Variants in EPS8L3 observed in about 807,000 individuals in gnomAD.
EPS8L3 encodes epidermal growth factor receptor kinase substrate 8-like protein 3.
A neutral mutation model predicts 88.5 loss-of-function variants in EPS8L3; 80 were observed. The observed-to-expected ratio is 0.90, with a 90% CI of 0.75 to 1.09. The LOEUF (loss-of-function observed/expected upper bound fraction) is 1.09, where lower values mean the gene tolerates loss of function less well. Ranked by LOEUF, EPS8L3 falls within the 50% of genes least tolerant of loss-of-function variation. EPS8L3 has a pLI of 0.00. For missense variants in EPS8L3, 721 were observed against 735.2 expected, an observed-to-expected ratio of 0.98 and a Z score of 0.22; for synonymous variants, 286 against 291.0, an observed-to-expected ratio of 0.98 and a Z score of 0.18.
rs769590116 is a variant in EPS8L3, at chr1:109,750,414, C to T, written c.1771-12G>A. On this transcript the variant is annotated splice_polypyrimidine_tract_variant and intron_variant, in intron 18 of 18. Coordinates refer to ENST00000361965, the MANE Select transcript of EPS8L3 (RefSeq NM_133181.4). ...GCCTAAGGGCTTATCTGAGGAAAGA[C>T]AAAGATTCAGATGAGGCTGATGGCA... 6.2e-7 allele frequency: 1 copy of T among 1,613,580 alleles called. No homozygotes were observed. The highest frequency in any genetic ancestry group is 8.5e-7 in the Non-Finnish European group (1 of 1,179,764).
chr1:109,760,748 C>A (rs543287905), intron 3 of EPS8L3, among the ~76,000 whole-genome samples: 1 of 152,188 alleles, frequency 6.6e-6, no homozygotes, highest in African/African-American at 2.4e-5. Flanking sequence ...CAGACCATCG[C>A]CCCAGCTCCC....
chr1:109,761,863 C>G lies in EPS8L3; in HGVS notation c.-24-90G>C, dbSNP rs1415479964. ...GGCAGGACAGTTGCTATTGCTCTGA[C>G]TGGGGGCCTCTGGGACCAGACCCAA... On this transcript the variant is annotated intron_variant, in intron 1 of 18. Coordinates refer to ENST00000361965, the MANE Select transcript of EPS8L3 (RefSeq NM_133181.4). 21 of 1,135,728 alleles carry G rather than the reference C, an allele frequency of 1.8e-5. No individual in the cohort carries two copies. The Admixed American group carries it at 3.9e-4, about 21-fold the overall frequency. The allele number at this position is 1,135,728 out of a possible 1,614,324, so 70.4% of individuals were successfully genotyped here.
intron 6 of EPS8L3, 96 bp from the exon 7 acceptor site, chr1:109,758,759 C>T (rs1650573297): frequency 6.9e-7 from 1 of 1,449,602 alleles, no homozygotes; most frequent in Admixed American, 2.4e-5. Context: ...GCACCACCAC[C>T]TCTCTCCAGG....
At chr1:109,752,650 C>T in intron 14 of EPS8L3, 36 bp downstream of exon 14, 2 of 1,544,762 alleles carry the variant, frequency 1.3e-6, no homozygotes, top group Non-Finnish European at 1.8e-6. Flanking sequence ...CCTCCCTCCC[C>T]AGGACCACGC....
Position 109,759,167 on chromosome 1 carries a change from G to GTGTGTGTGTGTGTGTGTGTGTT in EPS8L3, c.406-51_406-50insAACACACACACACACACACACA. ...TAAGTGTGTGTGTGTGTGTGTGTGT[G>GTGTGTGTGTGTGTGTGTGTGTT]TGTGTGTGTGTGTGTGGTGGGGTGA... On this transcript the variant is annotated intron_variant, in intron 5 of 18. Transcript: ENST00000361965. This position sits in a 1 kb window ranked among gnomAD's most constrained non-coding sequence, Gnocchi z 4.2. The GTGTGTGTGTGTGTGTGTGTGTT allele has an allele frequency of 6.2e-7, 1 of 1,606,876 alleles. No homozygotes were observed. The highest frequency in any genetic ancestry group is 1.7e-4 in the Middle Eastern group (1 of 5,930).
intron 1 of EPS8L3, among the ~76,000 whole-genome samples, chr1:109,762,484 A>C (rs1243724779): frequency 6.6e-6 from 1 of 152,040 alleles, no homozygotes; most frequent in Non-Finnish European, 1.5e-5. Context: ...CACCCTGCCC[A>C]GGGTACCCTC....
In EPS8L3 at chr1:109,751,359, CA is replaced by C; in HGVS notation, c.1564-9del. 1 of 1,612,926 alleles carries C rather than the reference CA, an allele frequency of 6.2e-7. No individual in the cohort carries two copies. Among genetic ancestry groups the C allele is most frequent in the African/African-American group, 1.3e-5 (1 of 75,026 alleles). The stretch of plus-strand genomic sequence containing the variant: ...AAGTCGAAGCATTGGAACCTAGAAT[CA>C]GGGGGAACCAGGGATCAGAGTCCAT... On this transcript the variant is annotated splice_polypyrimidine_tract_variant and intron_variant, in intron 16 of 18. Coordinates refer to ENST00000361965, the MANE Select transcript of EPS8L3 (RefSeq NM_133181.4).
At chr1:109,755,750 G>A (rs901453288) in intron 12 of EPS8L3, among the ~76,000 whole-genome samples, 2 of 152,206 alleles carry the variant, frequency 1.3e-5, no homozygotes, top group African/African-American at 4.8e-5. Flanking sequence ...GCCAGGAGGT[G>A]GAGGCTGCAG....
At position 109,758,280 on chromosome 1, in the gene EPS8L3, G is replaced by C. The variant is rs145470428; in HGVS notation, c.717+36C>G. 17 of 1,579,020 alleles carry C rather than the reference G, an allele frequency of 1.1e-5. No individual in the cohort carries two copies. In the African/African-American group the frequency reaches 1.9e-4, roughly 18 times the overall value. On this transcript the variant is annotated intron_variant, in intron 8 of 18. Transcript: ENST00000361965. ...GGTGTCCTTCCTTTTCCCAGGCCCAGAAAGCCTCAGCAAACTCAAGACCAT... is the reference window on the plus strand; with the variant it reads ...GGTGTCCTTCCTTTTCCCAGGCCCACAAAGCCTCAGCAAACTCAAGACCAT...
Position 109,750,260 on chromosome 1 carries a change from C to T in EPS8L3, c.*131G>A. 1 of 1,111,374 alleles carries T rather than the reference C, an allele frequency of 9.0e-7. No individual in the cohort carries two copies. Among genetic ancestry groups the T allele is most frequent in the Non-Finnish European group, 1.3e-6 (1 of 756,402 alleles). 68.8% of individuals were successfully genotyped at this position (1,111,374 alleles called of 1,614,324 possible). A position where few individuals can be genotyped will look rare whatever the true frequency, so the allele number is the denominator to read the frequency against. ...CCTCTGGGCCTGTCCATTGTTTTTGCTGTGTGAGCTGGGGTGTGGGGTTTG... is the reference window on the plus strand; with the variant it reads ...CCTCTGGGCCTGTCCATTGTTTTTGTTGTGTGAGCTGGGGTGTGGGGTTTG... On this transcript the variant is annotated 3_prime_UTR_variant, in exon 19 of 19. Transcript: ENST00000361965.
At chr1:109,750,882 G>C in intron 17 of EPS8L3, 90 bp from the exon 18 acceptor site, 1 of 1,512,110 alleles carries the variant, frequency 6.6e-7, no homozygotes, top group Middle Eastern at 1.8e-4. Flanking sequence ...TTTGGGCTCG[G>C]AGGTTGGGGT....
At chr1:109,763,041 G>T (rs1243874003) in intron 1 of EPS8L3, among the ~76,000 whole-genome samples, 4 of 152,216 alleles carry the variant, frequency 2.6e-5, no homozygotes, top group African/African-American at 9.7e-5. Context: ...CCTCAGTTGT[G>T]CAGAAATACT....
At position 109,759,365 on chromosome 1, in the gene EPS8L3, A is replaced by G; in HGVS notation, c.278T>C (p.Leu93Pro). The G allele has an allele frequency of 6.2e-7, 1 of 1,614,104 alleles. No individual in the cohort carries two copies. The highest frequency in any genetic ancestry group is 8.5e-7 in the Non-Finnish European group (1 of 1,180,006). The change falls in exon 5 of 19, where the codon CTA (leucine) becomes CCA (proline). Residue 93 changes from leucine to proline, a missense_variant. By Grantham distance (98) the Leu-to-Pro change is moderately conservative. Transcript: ENST00000361965. The surrounding 1 kb of genome is among the most constrained non-coding windows in gnomAD (Gnocchi z 4.2). ...CACATTCATGGCCTGGATGCTGTCTAGGCGGTAAGAGTCCAGCTCCTCCTG... is the reference window on the plus strand; with the variant it reads ...CACATTCATGGCCTGGATGCTGTCTGGGCGGTAAGAGTCCAGCTCCTCCTG... ...ETKEELDSYRLDSIQAMNVAL... is the reference protein window; with the variant it reads ...ETKEELDSYRPDSIQAMNVAL...
Position 109,758,376 on chromosome 1 carries a change from A to G in EPS8L3, c.657T>C (p.Ser219=). Residue 219 remains serine, a synonymous_variant, in exon 8 of 19, where the codon AGT becomes AGC. Coordinates refer to ENST00000361965, the MANE Select transcript of EPS8L3 (RefSeq NM_133181.4). ...LPRHTSAREP[S]AFTLPPPRRS... ...GCCTTGGAGGAGGCAGAGTAAAGGCACTTGGTTCTCGGGCACTGGTGTGGC... is the reference window on the plus strand; with the variant it reads ...GCCTTGGAGGAGGCAGAGTAAAGGCGCTTGGTTCTCGGGCACTGGTGTGGC... The G allele has an allele frequency of 6.2e-7, 1 of 1,613,154 alleles. No homozygotes were observed. The highest frequency in any genetic ancestry group is 2.2e-5 in the East Asian group (1 of 44,874).
In EPS8L3 at chr1:109,750,629, A is replaced by G. The variant is rs765648496; in HGVS notation, c.1770+31T>C. ...TCACCCAGGAGCACCAGACACTCCC[A>G]ATGGTTGTCAGGACCCCAGGGTGTC... On this transcript the variant is annotated intron_variant, in intron 18 of 18. Transcript: ENST00000361965. 5 of 1,613,724 alleles carry G rather than the reference A, an allele frequency of 3.1e-6. No individual in the cohort carries two copies. In the African/African-American group the frequency reaches 6.7e-5, roughly 22 times the overall value.
chr1:109,761,453 G>T, intron 3 of EPS8L3, 42 bp downstream of exon 3: 2 of 1,564,362 alleles, frequency 1.3e-6, no homozygotes, highest in Non-Finnish European at 1.7e-6. Context: ...GGGAACACTT[G>T]GGTTTAGTTG....
At chr1:109,758,771 G>C (rs1650574907) in intron 6 of EPS8L3, 108 bp from the exon 7 acceptor site, 2 of 1,385,634 alleles carry the variant, frequency 1.4e-6, no homozygotes, top group African/African-American at 2.9e-5. Flanking sequence ...CTCTCCAGGA[G>C]TCCCACCCCC....
Position 109,752,006 on chromosome 1 carries a change from CTCCCTGGACCACAGTCAGTTCCCGTGGGT to C in EPS8L3, c.1394_1422del (p.Asn465ArgfsTer18). On this transcript the variant is annotated frameshift_variant, in exon 15 of 19. Transcript: ENST00000361965. LOFTEE classifies it high-confidence loss of function. ...GGCCCAAGCCTCACCTCCAGCTTCTCTCCCTGGACCACAGTCAGTTCCCGTGGGTTCCTAGCTTCAAACTCGTACAAGAC... is the reference window on the plus strand; with the variant it reads ...GGCCCAAGCCTCACCTCCAGCTTCTCTCCTAGCTTCAAACTCGTACAAGAC... 1 of 1,606,690 alleles carries C rather than the reference CTCCCTGGACCACAGTCAGTTCCCGTGGGT, an allele frequency of 6.2e-7. No homozygotes were observed. The highest frequency in any genetic ancestry group is 1.7e-5 in the Admixed American group (1 of 59,238).
intron 12 of EPS8L3, among the ~76,000 whole-genome samples, chr1:109,755,372 T>TAA (rs1450154398): frequency 2.0e-5 from 3 of 152,162 alleles, no homozygotes; most frequent in Non-Finnish European, 4.4e-5. Flanking sequence ...ATTATACACT[T>TAA]AAAACGGTTA....
Sources: allele counts gnomAD v4.1 joint callset (sites outside exome capture counted in the v4.1 genomes callset), GRCh38; gene constraint gnomAD v4.1.1; non-coding constraint Gnocchi (gnomAD v3.1); transcripts MANE v1.5; gene names NCBI Gene and HGNC (gene_info 2026-07-23, HGNC 2026-07-21).